The following ATRNL1 variants were observed in gnomAD, a reference collection of about 807,000 sequenced individuals.
ATRNL1 encodes attractin like 1.
A neutral mutation model predicts 182.7 loss-of-function variants in ATRNL1; 95 were observed. The observed-to-expected ratio is 0.52, with a 90% CI of 0.44 to 0.62. ATRNL1 has a LOEUF of 0.62. ATRNL1 is among the 20% of genes least tolerant of loss of function. ATRNL1 has a pLI of 0.00. For synonymous variants in ATRNL1, 576 were observed against 568.3 expected (o/e 1.01, Z -0.19); for missense variants, 1,471 against 1,679.5 (o/e 0.88, Z 2.17).
chr10:115,220,011 G>A (rs1849389774), intron 9 of ATRNL1, among the ~76,000 whole-genome samples: 1 of 152,184 alleles, frequency 6.6e-6, no homozygotes, highest in African/African-American at 2.4e-5. Context: ...GTCAACATCA[G>A]TTGACTCATC....
At chr10:115,389,573 T>TATAC (rs1843902192) in intron 19 of ATRNL1, among the ~76,000 whole-genome samples, 1 of 119,272 alleles carries the variant, frequency 8.4e-6, no homozygotes, top group South Asian at 2.6e-4. Flanking sequence ...TATATATATA[T>TATAC]ATATATATAT....
intron 18 of ATRNL1, among the ~76,000 whole-genome samples, chr10:115,331,950 T>C (rs782109549): frequency 2.0e-5 from 3 of 152,222 alleles, no homozygotes; most frequent in Non-Finnish European, 2.9e-5. Context: ...AAACATCCTC[T>C]GTGGTGGGGC....
chr10:115,538,433 T>G (rs1852167251), intron 25 of ATRNL1, among the ~76,000 whole-genome samples: 1 of 152,038 alleles, frequency 6.6e-6, no homozygotes, highest in African/African-American at 2.4e-5. Flanking sequence ...TAACTTGCAT[T>G]TCCTTAATGG....
At position 115,528,073 on chromosome 10, in the gene ATRNL1, T is replaced by TTCCTTC. The variant is rs1565133603; in HGVS notation, c.3716+8749_3716+8750insTCCTTC. On this transcript the variant is annotated intron_variant, in intron 25 of 28. Coordinates refer to ENST00000355044, the MANE Select transcript of ATRNL1 (RefSeq NM_207303.4). ...TCCTTCCTTCCTTCCTTCCTTCCTT[T>TTCCTTC]CCCTTCTCATTTCTAAAAATAATCT... is the stretch of plus-strand genomic sequence containing the variant. 7.7e-3 allele frequency among the ~76,000 whole-genome samples: 185 copies of TTCCTTC among 24,138 alleles called. 32 individuals carry two copies. Among genetic ancestry groups the TTCCTTC allele is most frequent in the African/African-American group, 0.017 (175 of 10,310 alleles). 15.8% of individuals were successfully genotyped at this position (24,138 alleles called of 152,430 possible). A position where few individuals can be genotyped will look rare whatever the true frequency, so the allele number is the denominator to read the frequency against.
chr10:115,178,205 T>C (rs935857815), intron 8 of ATRNL1, among the ~76,000 whole-genome samples: 55 of 152,052 alleles, frequency 3.6e-4, no homozygotes, highest in African/African-American at 1.3e-3. Context: ...CCACCGTGCC[T>C]GGCCAAGGAC....
At chr10:115,700,650 C>T (rs957717860) in intron 26 of ATRNL1, among the ~76,000 whole-genome samples, 1 of 151,938 alleles carries the variant, frequency 6.6e-6, no homozygotes, top group African/African-American at 2.4e-5. Flanking sequence ...TGTATGTTGT[C>T]TGTTATACTT....
chr10:115,801,916 A>C (rs1555084444), intron 27 of ATRNL1, among the ~76,000 whole-genome samples: 2 of 151,938 alleles, frequency 1.3e-5, no homozygotes, highest in African/African-American at 2.4e-5. Flanking sequence ...TTCCAAACTT[A>C]AATTATTATG....
chr10:115,145,666 A>C (rs1236220663), intron 5 of ATRNL1, among the ~76,000 whole-genome samples: 1 of 152,128 alleles, frequency 6.6e-6, no homozygotes, highest in Non-Finnish European at 1.5e-5. Flanking sequence ...TTGCATTGAA[A>C]TCTTGTTTTG....
At chr10:115,625,066 CT>C (rs1858004165) in intron 26 of ATRNL1, among the ~76,000 whole-genome samples, 1 of 151,984 alleles carries the variant, frequency 6.6e-6, no homozygotes, top group African/African-American at 2.4e-5. Context: ...GCAGTGTAGA[CT>C]GGCAGAAACA....
chr10:115,540,774 G>A (rs371372544), intron 25 of ATRNL1, among the ~76,000 whole-genome samples: 1 of 70,754 alleles, frequency 1.4e-5, no homozygotes, highest in Admixed American at 1.3e-4. Flanking sequence ...AAAAAAAAAG[G>A]GGGGAGGGAA....
At chr10:115,187,335 A>G (rs958118830) in intron 8 of ATRNL1, among the ~76,000 whole-genome samples, 1 of 152,134 alleles carries the variant, frequency 6.6e-6, no homozygotes, top group African/African-American at 2.4e-5. Flanking sequence ...TATGCCATCT[A>G]AAAAGAGGGA....
At chr10:115,849,316 G>T (rs148152853) in intron 28 of ATRNL1, among the ~76,000 whole-genome samples, 1 of 152,182 alleles carries the variant, frequency 6.6e-6, no homozygotes, top group African/African-American at 2.4e-5. Flanking sequence ...GGTCAGATAA[G>T]ATGGATAATT....
At chr10:115,672,952 T>A (rs947826281) in intron 26 of ATRNL1, among the ~76,000 whole-genome samples, 12 of 152,252 alleles carry the variant, frequency 7.9e-5, no homozygotes, top group Admixed American at 3.9e-4. Context: ...GCAACTTAGT[T>A]CATTGCCAAA....
intron 1 of ATRNL1, among the ~76,000 whole-genome samples, chr10:115,118,417 G>T (rs1246786275): frequency 1.3e-5 from 2 of 152,088 alleles, no homozygotes; most frequent in Admixed American, 6.6e-5. Context: ...TCTTTCTTTA[G>T]AGAGTACCAT....
intron 8 of ATRNL1, among the ~76,000 whole-genome samples, chr10:115,186,472 A>G (rs1436410516): frequency 1.3e-5 from 2 of 152,148 alleles, no homozygotes; most frequent in Admixed American, 1.3e-4. Context: ...GTGTCCATCA[A>G]CAGGAATGGA....
chr10:115,488,945 A>G (rs574887139), intron 24 of ATRNL1, among the ~76,000 whole-genome samples: 22 of 152,242 alleles, frequency 1.4e-4, no homozygotes, highest in African/African-American at 4.6e-4. Flanking sequence ...CATTGGTTTC[A>G]AAGACCATCT....
intron 25 of ATRNL1, among the ~76,000 whole-genome samples, chr10:115,529,864 C>A (rs1186296141): frequency 1.3e-5 from 2 of 152,026 alleles, no homozygotes; most frequent in African/African-American, 4.8e-5. Flanking sequence ...CAAAAGAAGC[C>A]ATGTACTCAT....
At chr10:115,212,648 C>T (rs976460422) in intron 8 of ATRNL1, among the ~76,000 whole-genome samples, 3 of 151,948 alleles carry the variant, frequency 2.0e-5, no homozygotes, top group Non-Finnish European at 2.9e-5. Context: ...ACATATACAC[C>T]GTGGAATATT....
intron 21 of ATRNL1, among the ~76,000 whole-genome samples, chr10:115,454,774 T>C (rs1412385550): frequency 6.6e-6 from 1 of 152,130 alleles, no homozygotes; most frequent in African/African-American, 2.4e-5. Context: ...AATTTATTTG[T>C]TCTAACAGAT....
Sources: gnomAD v4.1 joint callset for allele counts (sites outside exome capture counted in the v4.1 genomes callset) on GRCh38, gnomAD v4.1.1 for gene constraint, MANE v1.5 for transcripts, NCBI Gene and HGNC (gene_info 2026-07-23, HGNC 2026-07-21) for gene names.